Variants in MYO1E observed in about 807,000 individuals in gnomAD.
MYO1E encodes myosin IE.
A neutral mutation model predicts 151.1 loss-of-function variants in MYO1E; 68 were observed. The observed-to-expected ratio is 0.45, with a 90% CI of 0.37 to 0.55. The LOEUF (loss-of-function observed/expected upper bound fraction) is 0.55. Ranked by LOEUF, MYO1E falls within the 20% of genes least tolerant of loss-of-function variation. The probability of loss-of-function intolerance (pLI) is 0.00; values close to 1 mark genes in which losing one functional copy is unlikely to be tolerated. For synonymous variants in MYO1E, 601 were observed against 501.7 expected, an observed-to-expected ratio of 1.20 and a Z score of -2.64; for missense variants, 1,363 against 1,389.3, an observed-to-expected ratio of 0.98 and a Z score of 0.30.
rs1208914639 is a variant in MYO1E, at chr15:59,353,768, AAAAAC to A, written c.3+18725_3+18729del. Among the ~76,000 whole-genome samples the A allele has an allele frequency of 2.8e-3, 422 of 149,310 alleles. 2 individuals carry two copies. The highest frequency in any genetic ancestry group is 4.4e-3 in the Non-Finnish European group (291 of 66,878). Reference sequence around the variant, plus strand: ...GCAAAACTCCGTCTCAAAAAAAAAAAAAAACAAAGAAAGAAAAAAACGCAAAGGTA... The same window carrying A: ...GCAAAACTCCGTCTCAAAAAAAAAAAAAAGAAAGAAAAAAACGCAAAGGTA... On this transcript the variant is annotated intron_variant, in intron 1 of 27. Transcript: ENST00000288235.
At chr15:59,160,557 G>GCAC (rs1396797551) in intron 24 of MYO1E, among the ~76,000 whole-genome samples, 1 of 151,932 alleles carries the variant, frequency 6.6e-6, no homozygotes, top group African/African-American at 2.4e-5. Context: ...CTACAGGCAT[G>GCAC]CACCACCATG....
At chr15:59,210,028 T>A (rs28545683) in intron 13 of MYO1E, among the ~76,000 whole-genome samples, 1 of 151,782 alleles carries the variant, frequency 6.6e-6, no homozygotes, top group African/African-American at 2.4e-5. Flanking sequence ...ATACAATTTT[T>A]GTATTAGCTA....
At chr15:59,276,082 A>G (rs1470453936) in intron 1 of MYO1E, among the ~76,000 whole-genome samples, 1 of 152,154 alleles carries the variant, frequency 6.6e-6, no homozygotes, top group Non-Finnish European at 1.5e-5. Flanking sequence ...AGAATATGCA[A>G]TAGGGCTCTG....
At chr15:59,168,312 G>A (rs777460335) in intron 22 of MYO1E, among the ~76,000 whole-genome samples, 31 of 152,152 alleles carry the variant, frequency 2.0e-4, no homozygotes, top group Admixed American at 1.8e-3. Context: ...TTTGGGAGGC[G>A]AGGTGGGTAG....
intron 4 of MYO1E, among the ~76,000 whole-genome samples, chr15:59,237,636 T>A (rs2080074791): frequency 9.7e-6 from 1 of 102,878 alleles, no homozygotes; most frequent in South Asian, 5.4e-4. Context: ...TAGGACAATA[T>A]TTTTGTTCGC....
chr15:59,314,428 T>C (rs773103546), intron 1 of MYO1E, among the ~76,000 whole-genome samples: 51 of 152,214 alleles, frequency 3.4e-4, no homozygotes, highest in Non-Finnish European at 3.4e-4. Flanking sequence ...GAGGGATACC[T>C]ATTGAGTTGC....
At chr15:59,351,407 A>T (rs1432771926) in intron 1 of MYO1E, among the ~76,000 whole-genome samples, 1 of 152,256 alleles carries the variant, frequency 6.6e-6, no homozygotes, top group Non-Finnish European at 1.5e-5. Context: ...CAAGGCATGT[A>T]GGCTGCCCTC....
intron 1 of MYO1E, among the ~76,000 whole-genome samples, chr15:59,357,456 A>AC (rs2080861251): frequency 1.4e-5 from 2 of 139,694 alleles, no homozygotes; most frequent in Non-Finnish European, 3.1e-5. Context: ...GACGAGTCTC[A>AC]CTCTGTCGCC....
At chr15:59,237,576 T>C (rs1164760898) in intron 4 of MYO1E, among the ~76,000 whole-genome samples, 2 of 152,204 alleles carry the variant, frequency 1.3e-5, no homozygotes, top group African/African-American at 4.8e-5. Context: ...CCATATCATA[T>C]AAAATGATGG....
chr15:59,185,901 G>T (rs1015039231), intron 18 of MYO1E, among the ~76,000 whole-genome samples: 3 of 152,156 alleles, frequency 2.0e-5, no homozygotes, highest in African/African-American at 7.2e-5. Context: ...CAATACACAG[G>T]ACAGACTTCG....
intron 26 of MYO1E, among the ~76,000 whole-genome samples, chr15:59,138,702 T>A (rs1195298266): frequency 6.6e-6 from 1 of 152,130 alleles, no homozygotes; most frequent in Non-Finnish European, 1.5e-5. Flanking sequence ...TATCTGTCCC[T>A]CCTTCCTCAA....
chr15:59,336,039 C>CAA (rs546914345), intron 1 of MYO1E, among the ~76,000 whole-genome samples: 10 of 114,118 alleles, frequency 8.8e-5, no homozygotes, highest in Non-Finnish European at 1.3e-4. Flanking sequence ...AACACAAAAG[C>CAA]AAAAAAAAAA....
intron 1 of MYO1E, among the ~76,000 whole-genome samples, chr15:59,305,232 C>T (rs1367337867): frequency 3.9e-5 from 6 of 152,158 alleles, no homozygotes; most frequent in Admixed American, 2.6e-4. Flanking sequence ...TTCACTCTGT[C>T]GCCCAGGTTG....
chr15:59,207,092 C>T (rs1314461368), intron 14 of MYO1E: 1 of 1,614,196 alleles, frequency 6.2e-7, no homozygotes, highest in South Asian at 1.1e-5. Context: ...AGCAAGATGG[C>T]GACTGTGAAG....
At chr15:59,204,775 G>A (rs1252807110) in intron 15 of MYO1E, among the ~76,000 whole-genome samples, 1 of 152,158 alleles carries the variant, frequency 6.6e-6, no homozygotes, top group African/African-American at 2.4e-5. Context: ...CAGGGACTCT[G>A]GTTAATGTGG....
At chr15:59,322,382 T>C (rs1242950500) in intron 1 of MYO1E, among the ~76,000 whole-genome samples, 1 of 152,162 alleles carries the variant, frequency 6.6e-6, no homozygotes, top group Non-Finnish European at 1.5e-5. Context: ...TGAAACTGTA[T>C]CTATACTTAC....
At chr15:59,248,040 A>T (rs2080140405) in intron 4 of MYO1E, among the ~76,000 whole-genome samples, 1 of 147,596 alleles carries the variant, frequency 6.8e-6, no homozygotes, top group African/African-American at 2.5e-5. Context: ...AGGCAAGAGA[A>T]TCACTTGAAC....
In MYO1E at chr15:59,159,242, G is replaced by A. The variant is rs1411034419; in HGVS notation, c.2786-863C>T. Among the ~76,000 whole-genome samples, 3 of 152,238 alleles carry A rather than the reference G, an allele frequency of 2.0e-5. No homozygotes were observed. Among genetic ancestry groups the A allele is most frequent in the Non-Finnish European group, 4.4e-5 (3 of 68,034 alleles). On this transcript the variant is annotated intron_variant, in intron 24 of 27. Transcript: ENST00000288235. This position sits in a 1 kb window ranked among gnomAD's most constrained non-coding sequence, Gnocchi z 4.4. ...GCAAACCCAGTGTGGCCTGCTGGAC[G>A]CTTCCCTCCCAGTACCTAGGCCACT...
intron 5 of MYO1E, among the ~76,000 whole-genome samples, chr15:59,233,909 T>C (rs1048986374): frequency 6.6e-6 from 1 of 151,860 alleles, no homozygotes; most frequent in African/African-American, 2.4e-5. Context: ...AAAATCTCAT[T>C]AATTTTGTTA....
Sources: allele counts gnomAD v4.1 joint callset (sites outside exome capture counted in the v4.1 genomes callset), GRCh38; gene constraint gnomAD v4.1.1; non-coding constraint Gnocchi (gnomAD v3.1); transcripts MANE v1.5; gene names NCBI Gene and HGNC (gene_info 2026-07-23, HGNC 2026-07-21).